The following RNF2 variants were observed in gnomAD, a reference collection of about 807,000 sequenced individuals.
RNF2 encodes the protein E3 ubiquitin-protein ligase RING2.
A neutral mutation model predicts 37.2 loss-of-function variants in RNF2; 6 were observed. That is an observed-to-expected ratio of 0.16 (90% CI 0.09 to 0.32). The LOEUF is 0.32. RNF2 is among the 10% of genes least tolerant of loss of function. The pLI is 1.00. For missense variants in RNF2, 251 were observed against 404.0 expected, an observed-to-expected ratio of 0.62 and a Z score of 3.25; for synonymous variants, 133 against 132.7, an observed-to-expected ratio of 1.00 and a Z score of -0.02.
intron 1 of RNF2, 77 bp from the exon 2 acceptor site, chr1:185,087,475 G>A: frequency 1.7e-6 from 2 of 1,184,676 alleles, no homozygotes; most frequent in South Asian, 1.3e-5. Flanking sequence ...TAGGAATTTT[G>A]GTGGGACACA....
At chr1:185,060,394 T>C (rs1650563279) in intron 1 of RNF2, among the ~76,000 whole-genome samples, 1 of 152,210 alleles carries the variant, frequency 6.6e-6, no homozygotes, top group Non-Finnish European at 1.5e-5. Context: ...CACATAAGTA[T>C]ACTCCCTTGT....
chr1:185,081,595 G>C (rs941140376), intron 1 of RNF2, among the ~76,000 whole-genome samples: 1 of 148,534 alleles, frequency 6.7e-6, no homozygotes, highest in Non-Finnish European at 1.5e-5. Context: ...GTGGGGTGGG[G>C]GGGGGCGGTT....
intron 1 of RNF2, among the ~76,000 whole-genome samples, chr1:185,057,855 C>A (rs1185805769): frequency 6.6e-6 from 1 of 151,298 alleles, no homozygotes; most frequent in South Asian, 2.1e-4. Flanking sequence ...AAATTTTTGG[C>A]CAGGCAAGGT....
intron 1 of RNF2, among the ~76,000 whole-genome samples, chr1:185,085,426 G>A (rs902261425): frequency 4.6e-5 from 7 of 151,938 alleles, no homozygotes; most frequent in East Asian, 3.9e-4. Context: ...GTGAGCCACC[G>A]CGCCCGGCCT....
chr1:185,062,380 A>G (rs1432021951), intron 1 of RNF2, among the ~76,000 whole-genome samples: 1 of 152,210 alleles, frequency 6.6e-6, no homozygotes. Flanking sequence ...ATATGTGTAT[A>G]TATTCACATA....
chr1:185,077,897 C>G (rs1651224895), intron 1 of RNF2, among the ~76,000 whole-genome samples: 1 of 152,032 alleles, frequency 6.6e-6, no homozygotes, highest in African/African-American at 2.4e-5. Flanking sequence ...ATTTCTCTCA[C>G]TACATATACC....
chr1:185,081,367 G>A (rs1475087452), intron 1 of RNF2, among the ~76,000 whole-genome samples: 1 of 151,408 alleles, frequency 6.6e-6, no homozygotes, highest in African/African-American at 2.4e-5. Context: ...TATGGTGGGT[G>A]AGGCAAAACT....
rs570888917 is a variant in RNF2 at position 185,050,495 on chromosome 1, A to G, written c.-3+4846A>G. On this transcript the variant is annotated intron_variant, in intron 1 of 6. Transcript: ENST00000367510. ...TTTCGTCACATAATTATTATTTTGTATTTCTCTGTGCTTTATTCATCTAGA... is the reference window on the plus strand; with the variant it reads ...TTTCGTCACATAATTATTATTTTGTGTTTCTCTGTGCTTTATTCATCTAGA... Among the ~76,000 whole-genome samples the G allele has an allele frequency of 5.3e-5, 8 of 152,286 alleles. No homozygotes were observed. The South Asian group carries it at 1.7e-3, about 32-fold the overall frequency.
intron 1 of RNF2, among the ~76,000 whole-genome samples, chr1:185,066,800 G>A (rs1388746555): frequency 6.6e-6 from 1 of 152,046 alleles, no homozygotes; most frequent in East Asian, 1.9e-4. Context: ...GATTAAATTG[G>A]GCTATTAAAG....
Position 185,082,971 on chromosome 1 carries a change from A to C in RNF2, c.-2-4581A>C, listed in dbSNP as rs543812421. Among the ~76,000 whole-genome samples the C allele has an allele frequency of 5.9e-5, 9 of 152,318 alleles. No individual in the cohort carries two copies. The East Asian group carries it at 1.7e-3, about 29-fold the overall frequency. On this transcript the variant is annotated intron_variant, in intron 1 of 6. Coordinates refer to ENST00000367510, the MANE Select transcript of RNF2 (RefSeq NM_007212.4). Reference sequence around the variant, plus strand: ...TGAATTCCAACAGTGCAAAAACCACAATTAATTTGCACTAACCTAATATCT... The same window carrying C: ...TGAATTCCAACAGTGCAAAAACCACCATTAATTTGCACTAACCTAATATCT...
chr1:185,085,145 C>T (rs201415989), intron 1 of RNF2, among the ~76,000 whole-genome samples: 6 of 103,206 alleles, frequency 5.8e-5, no homozygotes, highest in South Asian at 3.4e-4. Flanking sequence ...CTTTCTTTTT[C>T]TTTTTTTTTT....
intron 1 of RNF2, among the ~76,000 whole-genome samples, chr1:185,074,920 A>G (rs1466666437): frequency 1.3e-5 from 2 of 151,978 alleles, no homozygotes; most frequent in African/African-American, 2.4e-5. Context: ...GGGGAGGGGG[A>G]GCTCAGAGGG....
At position 185,076,725 on chromosome 1, in the gene RNF2, A is replaced by G. The variant is rs151085508; in HGVS notation, c.-2-10827A>G. On this transcript the variant is annotated intron_variant, in intron 1 of 6. Transcript: ENST00000367510. ...ATTTTAAAATACCCTAAATTCACAT[A>G]TCTGTTTTTGAGCCCTTTGTTTTGT... Among the ~76,000 whole-genome samples the G allele has an allele frequency of 6.7e-3, 1,012 of 151,716 alleles. 22 individuals carry two copies. The highest frequency in any genetic ancestry group is 0.024 in the African/African-American group (975 of 41,346).
chr1:185,074,307 T>TCC (rs1651079044), intron 1 of RNF2, among the ~76,000 whole-genome samples: 1 of 152,142 alleles, frequency 6.6e-6, no homozygotes, highest in Non-Finnish European at 1.5e-5. Flanking sequence ...CATTGGGAAT[T>TCC]AGCTGGATCT....
chr1:185,100,279 C>T lies in RNF2; in HGVS notation c.989C>T (p.Ala330Val). Residue 330 changes from alanine (A) to valine (V), a missense_variant, in exon 7 of 7, where the codon GCA becomes GTA. Transcript: ENST00000367510. Reference protein sequence around the residue: ...KVNKPMELYYAPTKEHK With the variant: ...KVNKPMELYYVPTKEHK ...AACAAACCCATGGAACTTTATTACG[C>T]ACCTACAAAGGAGCACAAATGAGCC... 4 of 1,611,492 alleles carry T rather than the reference C, an allele frequency of 2.5e-6. No homozygotes were observed. The highest frequency in any genetic ancestry group is 3.4e-6 in the Non-Finnish European group (4 of 1,179,074).
intron 1 of RNF2, among the ~76,000 whole-genome samples, chr1:185,081,122 A>G (rs995449820): frequency 6.6e-6 from 1 of 152,208 alleles, no homozygotes. Context: ...TAAATAATCA[A>G]AACTAGGCTC....
At chr1:185,053,807 A>G (rs1233406562) in intron 1 of RNF2, among the ~76,000 whole-genome samples, 1 of 152,196 alleles carries the variant, frequency 6.6e-6, no homozygotes, top group Non-Finnish European at 1.5e-5. Context: ...ATTAAGTAGT[A>G]TTAGGTCTTG....
At chr1:185,050,344 T>G (rs1001825503) in intron 1 of RNF2, among the ~76,000 whole-genome samples, 1 of 152,264 alleles carries the variant, frequency 6.6e-6, no homozygotes, top group African/African-American at 2.4e-5. Context: ...CCAACTTGCC[T>G]CTTCTCTGCC....
chr1:185,093,033 A>G (rs773472736), intron 3 of RNF2, 28 bp from the exon 4 acceptor site: 1 of 1,602,164 alleles, frequency 6.2e-7, no homozygotes, highest in South Asian at 1.1e-5. Flanking sequence ...AGCATTGTTT[A>G]CATTTGCTTT....
Sources: gnomAD v4.1 joint callset for allele counts (sites outside exome capture counted in the v4.1 genomes callset) on GRCh38, gnomAD v4.1.1 for gene constraint, MANE v1.5 for transcripts, NCBI Gene and HGNC (gene_info 2026-07-23, HGNC 2026-07-21) for gene names.